Variants in NEK7 observed in about 807,000 individuals in gnomAD.
NEK7 encodes NIMA related kinase 7.
NEK7 carries 18 observed loss-of-function variants against 44.6 expected under a neutral mutation model. That is an observed-to-expected ratio of 0.40 (90% CI 0.28 to 0.60). The LOEUF is 0.60. Ranked by LOEUF, NEK7 falls within the 20% of genes least tolerant of loss-of-function variation. NEK7 has a pLI of 0.38. For missense variants in NEK7, 256 were observed against 366.5 expected (o/e 0.70, Z 2.46); for synonymous variants, 130 against 121.1 (o/e 1.07, Z -0.48).
At chr1:198,244,715 C>T (rs1398939625) in intron 2 of NEK7, among the ~76,000 whole-genome samples, 3 of 151,974 alleles carry the variant, frequency 2.0e-5, no homozygotes, top group African/African-American at 7.2e-5. Context: ...TATAGTCATG[C>T]CCTTTGTATT....
At chr1:198,211,903 T>G (rs549874791) in intron 1 of NEK7, among the ~76,000 whole-genome samples, 63 of 152,250 alleles carry the variant, frequency 4.1e-4, no homozygotes, top group African/African-American at 1.5e-3. Context: ...ATGAACTGAA[T>G]GGAAAACTGT....
intron 1 of NEK7, among the ~76,000 whole-genome samples, chr1:198,209,964 A>G (rs893554593): frequency 6.7e-6 from 1 of 148,528 alleles, no homozygotes; most frequent in Admixed American, 6.7e-5. Context: ...CTTCCTGGCT[A>G]TTTTTTGTAC....
intron 1 of NEK7, among the ~76,000 whole-genome samples, chr1:198,189,228 A>G (rs1158507509): frequency 6.6e-6 from 1 of 152,158 alleles, no homozygotes; most frequent in African/African-American, 2.4e-5. Context: ...AAAGAATGCT[A>G]TTTGAAAGGA....
intron 5 of NEK7, among the ~76,000 whole-genome samples, chr1:198,272,457 C>G (rs1653884543): frequency 6.6e-6 from 1 of 151,818 alleles, no homozygotes; most frequent in Non-Finnish European, 1.5e-5. Context: ...GATACTTTTA[C>G]TGTTCTGCTG....
chr1:198,261,576 G>T (rs1653472327), intron 3 of NEK7, among the ~76,000 whole-genome samples: 1 of 151,830 alleles, frequency 6.6e-6, no homozygotes, highest in Non-Finnish European at 1.5e-5. Flanking sequence ...AGGAAGACTT[G>T]ATCAAGCTGA....
At chr1:198,187,007 T>A (rs1373070501) in intron 1 of NEK7, among the ~76,000 whole-genome samples, 1 of 152,212 alleles carries the variant, frequency 6.6e-6, no homozygotes, top group Non-Finnish European at 1.5e-5. Context: ...TTATGACTTG[T>A]ACAAAGGAAT....
intron 1 of NEK7, among the ~76,000 whole-genome samples, chr1:198,205,872 G>A (rs977488736): frequency 6.6e-6 from 1 of 152,000 alleles, no homozygotes; most frequent in African/African-American, 2.4e-5. Context: ...TTTTTTTAAT[G>A]TTAGGAATAT....
intron 1 of NEK7, among the ~76,000 whole-genome samples, chr1:198,224,922 G>C (rs1165200965): frequency 6.6e-6 from 1 of 152,122 alleles, no homozygotes; most frequent in Non-Finnish European, 1.5e-5. Flanking sequence ...ATGAGAGGTG[G>C]AATGCTTTAT....
chr1:198,274,310 A>G (rs1653948803), intron 5 of NEK7, among the ~76,000 whole-genome samples: 1 of 151,350 alleles, frequency 6.6e-6, no homozygotes, highest in African/African-American at 2.4e-5. Flanking sequence ...AAGGATGCTT[A>G]GTGTATGATT....
intron 9 of NEK7, among the ~76,000 whole-genome samples, chr1:198,317,888 T>TTTTTG (rs1655421074): frequency 6.9e-6 from 1 of 144,296 alleles, no homozygotes; most frequent in Admixed American, 6.9e-5. Context: ...TTTTTTTTTT[T>TTTTTG]TTTTTTTTTT....
At chr1:198,305,148 C>T (rs556955551) in intron 9 of NEK7, among the ~76,000 whole-genome samples, 3 of 152,064 alleles carry the variant, frequency 2.0e-5, no homozygotes, top group Non-Finnish European at 2.9e-5. Flanking sequence ...GTAATATCTA[C>T]GGATATTGGA....
chr1:198,317,663 A>C (rs1571627658), intron 9 of NEK7, among the ~76,000 whole-genome samples: 1 of 152,132 alleles, frequency 6.6e-6, no homozygotes, highest in South Asian at 2.1e-4. Flanking sequence ...TGTTTACTGC[A>C]TGCATCTACT....
chr1:198,266,881 G>T (rs1281495905), intron 5 of NEK7, among the ~76,000 whole-genome samples: 1 of 151,850 alleles, frequency 6.6e-6, no homozygotes. Context: ...TAGCCCCCTT[G>T]CATCATACAA....
In NEK7 at chr1:198,316,380, T is replaced by C. The variant is rs558547199; in HGVS notation, c.799-3032T>C. On this transcript the variant is annotated intron_variant, in intron 9 of 9. Coordinates refer to ENST00000367385, the MANE Select transcript of NEK7 (RefSeq NM_133494.3). ...TTTATATTGATTCACATCAAATAAA[T>C]GTGAAAGTGACCCAAGATGAGGGTT... 1.6e-4 allele frequency among the ~76,000 whole-genome samples: 24 copies of C among 152,312 alleles called. No individual in the cohort carries two copies. In the South Asian group the frequency reaches 3.3e-3, roughly 21 times the overall value.
At chr1:198,238,201 C>A (rs537347028) in intron 2 of NEK7, among the ~76,000 whole-genome samples, 3 of 152,164 alleles carry the variant, frequency 2.0e-5, no homozygotes, top group Non-Finnish European at 2.9e-5. Flanking sequence ...CTTCTCCCCC[C>A]CAGGACACTG....
At chr1:198,240,256 C>T (rs1212863947) in intron 2 of NEK7, among the ~76,000 whole-genome samples, 2 of 152,166 alleles carry the variant, frequency 1.3e-5, no homozygotes, top group Admixed American at 1.3e-4. Flanking sequence ...ATTCATCACA[C>T]TTACATACTT....
chr1:198,196,026 G>A (rs187810452), intron 1 of NEK7, among the ~76,000 whole-genome samples: 15 of 151,956 alleles, frequency 9.9e-5, no homozygotes, highest in African/African-American at 3.4e-4. Context: ...ATTTTTCTTC[G>A]CAGATTTTGG....
chr1:198,200,685 G>A (rs1571525751), intron 1 of NEK7, among the ~76,000 whole-genome samples: 1 of 151,782 alleles, frequency 6.6e-6, no homozygotes, highest in East Asian at 1.9e-4. Flanking sequence ...TGAGTAGCTG[G>A]GACTACAGGC....
intron 1 of NEK7, among the ~76,000 whole-genome samples, chr1:198,199,971 C>T (rs1665375305): frequency 6.6e-6 from 1 of 152,062 alleles, no homozygotes. Flanking sequence ...ATTGTTCCAA[C>T]TGCTCTTTGT....
Sources: allele counts gnomAD v4.1 joint callset (sites outside exome capture counted in the v4.1 genomes callset), GRCh38; gene constraint gnomAD v4.1.1; transcripts MANE v1.5; gene names NCBI Gene and HGNC (gene_info 2026-07-23, HGNC 2026-07-21).